Variants in SCML4 observed in about 807,000 individuals in gnomAD.
SCML4 encodes the protein sex comb on midleg-like protein 4.
In SCML4, 34 loss-of-function variants were observed where a neutral mutation model predicts 41.1. That is an observed-to-expected ratio of 0.83 (90% confidence interval 0.63 to 1.10). The LOEUF (loss-of-function observed/expected upper bound fraction) is 1.10. Among genes scored for constraint, SCML4 ranks in the 50% least tolerant of loss-of-function variants. The probability of loss-of-function intolerance (pLI) is 0.00; values close to 1 mark genes in which losing one functional copy is unlikely to be tolerated. For missense variants in SCML4, 522 were observed against 534.1 expected, an observed-to-expected ratio of 0.98 and a Z score of 0.22; for synonymous variants, 214 against 220.9, an observed-to-expected ratio of 0.97 and a Z score of 0.28.
chr6:107,759,716 T>C (rs1283286937), intron 2 of SCML4, among the ~76,000 whole-genome samples: 1 of 152,200 alleles, frequency 6.6e-6, no homozygotes, highest in Non-Finnish European at 1.5e-5. Flanking sequence ...GCTTTGTCTC[T>C]AAGTTTCAAA....
intron 5 of SCML4, among the ~76,000 whole-genome samples, chr6:107,724,934 C>T (rs1447128357): frequency 6.6e-6 from 1 of 152,072 alleles, no homozygotes; most frequent in East Asian, 1.9e-4. Flanking sequence ...ATGAAATAAG[C>T]CAGGCACAGA....
At chr6:107,775,123 C>T (rs144597285) in intron 1 of SCML4, among the ~76,000 whole-genome samples, 1,745 of 152,320 alleles carry the variant, frequency 0.011, 34 homozygotes, top group African/African-American at 0.04. Context: ...CAGTTCACTT[C>T]AGCACCATCA....
intron 5 of SCML4, among the ~76,000 whole-genome samples, chr6:107,729,777 T>C (rs764949443): frequency 2.0e-5 from 3 of 152,166 alleles, no homozygotes; most frequent in Non-Finnish European, 2.9e-5. Context: ...ATTGTGAAGG[T>C]GGTAAATTAA....
At chr6:107,733,982 G>C (rs1346169223) in intron 5 of SCML4, among the ~76,000 whole-genome samples, 3 of 152,180 alleles carry the variant, frequency 2.0e-5, no homozygotes, top group Non-Finnish European at 4.4e-5. Flanking sequence ...ATCGAGGAGT[G>C]GGGGCGCCAC....
chr6:107,751,572 A>ATCTTTGTT (rs1778627595), intron 2 of SCML4, among the ~76,000 whole-genome samples: 1 of 87,670 alleles, frequency 1.1e-5, no homozygotes, highest in Non-Finnish European at 2.3e-5. Flanking sequence ...CATTTTAACA[A>ATCTTTGTT]TCTTTCTTTC....
intron 4 of SCML4, chr6:107,745,653 C>T (rs187392010): frequency 1.3e-5 from 2 of 152,992 alleles, no homozygotes; most frequent in African/African-American, 4.8e-5. Context: ...TGTTTCCCCA[C>T]TGCCCTGCAT....
Position 107,704,035 on chromosome 6 carries a change from G to T in SCML4, c.*1165C>A, listed in dbSNP as rs1214488999. 1 of 152,206 alleles carries T rather than the reference G, an allele frequency of 6.6e-6. No homozygotes were observed. The highest frequency in any genetic ancestry group is 1.5e-5 in the Non-Finnish European group (1 of 68,044). The allele number at this position is 152,206 out of a possible 1,614,324, so 9.4% of individuals were successfully genotyped here. A position where few individuals can be genotyped will look rare whatever the true frequency, so the allele number is the denominator to read the frequency against. On this transcript the variant is annotated 3_prime_UTR_variant, in exon 8 of 8. Transcript: ENST00000369020. ...CTCTGGACACAGCTGCAAAGGAGCA[G>T]AAAATCAATTTTTTCTATTACTCCA... is the stretch of plus-strand genomic sequence containing the variant.
At chr6:107,784,167 C>T (rs1037283254) in intron 1 of SCML4, among the ~76,000 whole-genome samples, 8 of 152,166 alleles carry the variant, frequency 5.3e-5, no homozygotes, top group Non-Finnish European at 1.2e-4. Context: ...GAGACCAGTT[C>T]GTGACCGGGC....
intron 1 of SCML4, among the ~76,000 whole-genome samples, chr6:107,779,639 G>A (rs6920258): frequency 1.2e-4 from 19 of 152,098 alleles, no homozygotes; most frequent in African/African-American, 4.1e-4. Flanking sequence ...CTGTCATTTC[G>A]AAAACACAAC....
chr6:107,762,125 G>T (rs1483790011), intron 2 of SCML4, among the ~76,000 whole-genome samples: 1 of 152,182 alleles, frequency 6.6e-6, no homozygotes, highest in Non-Finnish European at 1.5e-5. Context: ...TGGAATTAAA[G>T]TGTACTAAAG....
chr6:107,733,177 A>G (rs975982506), intron 5 of SCML4, among the ~76,000 whole-genome samples: 3 of 152,234 alleles, frequency 2.0e-5, no homozygotes, highest in African/African-American at 7.2e-5. Context: ...TGACCCACAG[A>G]AGCTGTGAGA....
intron 1 of SCML4, among the ~76,000 whole-genome samples, chr6:107,812,880 TACACACACACAC>T (rs141469245): frequency 2.8e-5 from 4 of 141,468 alleles, no homozygotes; most frequent in African/African-American, 8.0e-5. Flanking sequence ...CACAGACACA[TACACACACACAC>T]ACACACACAC....
Position 107,813,370 on chromosome 6 carries a change from TTATATATA to T in SCML4, c.-60+10748_-60+10755del, listed in dbSNP as rs543060112. Among the ~76,000 whole-genome samples, 223 of 42,382 alleles carry T rather than the reference TTATATATA, an allele frequency of 5.3e-3. 2 individuals carry two copies. The highest frequency in any genetic ancestry group is 9.9e-3 in the African/African-American group (72 of 7,300). 27.8% of individuals were successfully genotyped at this position (42,382 alleles called of 152,430 possible). A position where few individuals can be genotyped will look rare whatever the true frequency, so the allele number is the denominator to read the frequency against. ...AGAGTGAGACGCCATCTCAAAAAAA[TTATATATA>T]TATATATATATATATATATATATAT... On this transcript the variant is annotated intron_variant, in intron 1 of 7. Transcript: ENST00000369020.
chr6:107,818,230 CAAT>C (rs1784694613), intron 1 of SCML4, among the ~76,000 whole-genome samples: 1 of 152,098 alleles, frequency 6.6e-6, no homozygotes. Context: ...GGAAAATTCC[CAAT>C]AAAAGGGGCA....
chr6:107,810,496 A>C (rs1158041492), intron 1 of SCML4, among the ~76,000 whole-genome samples: 1 of 152,164 alleles, frequency 6.6e-6, no homozygotes, highest in African/African-American at 2.4e-5. Flanking sequence ...TCTTCTTTAA[A>C]AGGGATCTGG....
chr6:107,756,305 A>G (rs772073164), intron 2 of SCML4, among the ~76,000 whole-genome samples: 49 of 152,204 alleles, frequency 3.2e-4, no homozygotes, highest in Non-Finnish European at 5.6e-4. Flanking sequence ...TGTCACTAGC[A>G]TGTACTCTCA....
intron 1 of SCML4, among the ~76,000 whole-genome samples, chr6:107,772,654 T>A (rs1583547821): frequency 6.6e-6 from 1 of 152,158 alleles, no homozygotes; most frequent in Non-Finnish European, 1.5e-5. Context: ...AACAATAGTT[T>A]CCCAGCTCCA....
At chr6:107,807,753 G>C (rs1022032412) in intron 1 of SCML4, among the ~76,000 whole-genome samples, 1 of 152,168 alleles carries the variant, frequency 6.6e-6, no homozygotes, top group Admixed American at 6.5e-5. Flanking sequence ...CATAAACTTT[G>C]TTTGCAATTT....
intron 3 of SCML4, among the ~76,000 whole-genome samples, chr6:107,748,701 A>G (rs370881221): frequency 5.9e-5 from 9 of 152,348 alleles, no homozygotes; most frequent in East Asian, 5.8e-4. Flanking sequence ...CAGAGCCTAC[A>G]TCCTGGTTGG....
Sources: allele counts gnomAD v4.1 joint callset (sites outside exome capture counted in the v4.1 genomes callset), GRCh38; gene constraint gnomAD v4.1.1; transcripts MANE v1.5; gene names NCBI Gene and HGNC (gene_info 2026-07-23, HGNC 2026-07-21).